RSU1: variants seen among roughly 807,000 people sequenced by gnomAD.
The protein encoded by RSU1 is Ras suppressor protein 1, also known as rsu-1.
In RSU1, 26 loss-of-function variants were observed where a neutral mutation model predicts 31.1. That is an observed-to-expected ratio of 0.84 (90% CI 0.61 to 1.16). RSU1 has a LOEUF of 1.16. Ranked by LOEUF, RSU1 falls within the 50% of genes most tolerant of loss-of-function variation. The pLI is 0.00. For synonymous variants in RSU1, 164 were observed against 136.3 expected, an observed-to-expected ratio of 1.20 and a Z score of -1.41; for missense variants, 320 against 339.1, an observed-to-expected ratio of 0.94 and a Z score of 0.44.
intron 2 of RSU1, among the ~76,000 whole-genome samples, chr10:16,799,995 C>A (rs181181443): frequency 6.6e-6 from 1 of 152,102 alleles, no homozygotes; most frequent in African/African-American, 2.4e-5. Flanking sequence ...TACGGAATTA[C>A]GGCAGAAGTT....
At chr10:16,752,853 T>C in intron 6 of RSU1, 65 bp downstream of exon 6, 1 of 1,420,228 alleles carries the variant, frequency 7.0e-7, no homozygotes. Flanking sequence ...CAAATTGACT[T>C]GATTCTACCC....
intron 8 of RSU1, among the ~76,000 whole-genome samples, chr10:16,676,445 C>A (rs759540376): frequency 1.3e-5 from 2 of 152,136 alleles, no homozygotes; most frequent in Non-Finnish European, 2.9e-5. Context: ...AAAAACCCAC[C>A]CCTATGATTC....
chr10:16,664,392 C>T (rs1834949784), intron 8 of RSU1, among the ~76,000 whole-genome samples: 1 of 152,202 alleles, frequency 6.6e-6, no homozygotes, highest in Non-Finnish European at 1.5e-5. Context: ...TTTCTGGAGG[C>T]TTAAAAGTCA....
In RSU1 at chr10:16,645,918, ATG is replaced by A. The variant is rs1355638852; in HGVS notation, c.731+49103_731+49104del. Among the ~76,000 whole-genome samples, 3 of 29,876 alleles carry A rather than the reference ATG, an allele frequency of 1.0e-4. 1 individual carries two copies. Among genetic ancestry groups the A allele is most frequent in the African/African-American group, 2.7e-4 (2 of 7,366 alleles). 19.6% of individuals were successfully genotyped at this position (29,876 alleles called of 152,430 possible). A position where few individuals can be genotyped will look rare whatever the true frequency, so the allele number is the denominator to read the frequency against. On this transcript the variant is annotated intron_variant, in intron 8 of 8. Coordinates refer to ENST00000345264, the MANE Select transcript of RSU1 (RefSeq NM_012425.4). Reference sequence around the variant, plus strand: ...TGTATATACACATATATGTATATATATGTGTATATACACATATGTGTATATAT... The same window carrying A: ...TGTATATACACATATATGTATATATATGTATATACACATATGTGTATATAT...
intron 8 of RSU1, among the ~76,000 whole-genome samples, chr10:16,593,948 G>C (rs1449098296): frequency 6.6e-6 from 1 of 152,246 alleles, no homozygotes; most frequent in Non-Finnish European, 1.5e-5. Flanking sequence ...GCTCACCCAT[G>C]ATGGATAGCG....
intron 7 of RSU1, chr10:16,721,565 G>C (rs142397751): frequency 6.6e-6 from 1 of 152,204 alleles, no homozygotes; most frequent in South Asian, 2.1e-4. Context: ...CTTCCCCAGC[G>C]ATTTGTTACT....
At chr10:16,611,630 C>T (rs957667861) in intron 8 of RSU1, among the ~76,000 whole-genome samples, 2 of 152,198 alleles carry the variant, frequency 1.3e-5, no homozygotes, top group African/African-American at 4.8e-5. Flanking sequence ...GCTTCTAACT[C>T]CCATGTACTG....
intron 7 of RSU1, among the ~76,000 whole-genome samples, chr10:16,736,131 T>G (rs1836620640): frequency 6.6e-6 from 1 of 152,044 alleles, no homozygotes; most frequent in African/African-American, 2.4e-5. Flanking sequence ...AAAGGAGCTA[T>G]GAAGAAAAAG....
intron 7 of RSU1, among the ~76,000 whole-genome samples, chr10:16,704,350 A>T (rs987833892): frequency 2.6e-5 from 4 of 152,200 alleles, no homozygotes; most frequent in Admixed American, 2.0e-4. Context: ...AGGCATTATT[A>T]TGATCTCATC....
chr10:16,655,556 T>C (rs1288579838), intron 8 of RSU1, among the ~76,000 whole-genome samples: 10 of 152,238 alleles, frequency 6.6e-5, no homozygotes, highest in Non-Finnish European at 1.5e-4. Context: ...TTTGCATATG[T>C]ATGCAGTAAT....
intron 2 of RSU1, among the ~76,000 whole-genome samples, chr10:16,797,872 T>C (rs1588542601): frequency 6.8e-6 from 1 of 147,058 alleles, no homozygotes; most frequent in South Asian, 2.2e-4. Context: ...TTTTTTTTTT[T>C]TTTTTTTGAG....
chr10:16,631,011 A>G (rs1398827241), intron 8 of RSU1, among the ~76,000 whole-genome samples: 2 of 152,184 alleles, frequency 1.3e-5, no homozygotes, highest in African/African-American at 4.8e-5. Flanking sequence ...CTTAATCTGC[A>G]TTGTTTTCAG....
intron 8 of RSU1, among the ~76,000 whole-genome samples, chr10:16,651,498 T>A (rs1371739066): frequency 6.6e-6 from 1 of 152,196 alleles, no homozygotes; most frequent in East Asian, 1.9e-4. Flanking sequence ...GACAGAATAT[T>A]CAAAGCTGAC....
intron 3 of RSU1, among the ~76,000 whole-genome samples, chr10:16,778,908 C>G (rs1160688309): frequency 6.6e-6 from 1 of 152,206 alleles, no homozygotes; most frequent in African/African-American, 2.4e-5. Context: ...GCATCACAGG[C>G]AGGTGCTCAA....
chr10:16,614,395 C>T (rs76769974), intron 8 of RSU1, among the ~76,000 whole-genome samples: 2 of 150,814 alleles, frequency 1.3e-5, no homozygotes, highest in African/African-American at 4.9e-5. Flanking sequence ...GGAAAAGTAG[C>T]AATGGTTAAT....
chr10:16,645,920 GTGTATATACACATATGTGTATATA>G lies in RSU1; in HGVS notation c.731+49079_731+49102del, dbSNP rs1564298282. The stretch of plus-strand genomic sequence containing the variant: ...TATATACACATATATGTATATATAT[GTGTATATACACATATGTGTATATA>G]TATGTGTATATACATATATGTGTAT... On this transcript the variant is annotated intron_variant, in intron 8 of 8. Coordinates refer to ENST00000345264, the MANE Select transcript of RSU1 (RefSeq NM_012425.4). Among the ~76,000 whole-genome samples the G allele has an allele frequency of 8.5e-4, 17 of 20,040 alleles. 4 individuals are homozygous for G. Among genetic ancestry groups the G allele is most frequent in the African/African-American group, 4.1e-3 (17 of 4,116 alleles). The allele number at this position is 20,040 out of a possible 152,430, so 13.1% of individuals were successfully genotyped here.
intron 7 of RSU1, among the ~76,000 whole-genome samples, chr10:16,739,017 C>T (rs777864027): frequency 6.6e-6 from 1 of 152,130 alleles, no homozygotes; most frequent in Non-Finnish European, 1.5e-5. Flanking sequence ...CAGCTTCATC[C>T]ATGTCTCTGC....
intron 8 of RSU1, among the ~76,000 whole-genome samples, chr10:16,678,326 G>A (rs1224695526): frequency 6.6e-6 from 1 of 152,214 alleles, no homozygotes; most frequent in Admixed American, 6.5e-5. Flanking sequence ...AATGTTATCT[G>A]ACAGGTGTTA....
At position 16,593,057 on chromosome 10, in the gene RSU1, TA is replaced by T. The variant is rs1179056326; in HGVS notation, c.*336del. 1.6e-5 allele frequency: 3 copies of T among 190,994 alleles called. No homozygotes were observed. Among genetic ancestry groups the T allele is most frequent in the Non-Finnish European group, 3.2e-5 (3 of 92,538 alleles). The allele number at this position is 190,994 out of a possible 1,614,324, so 11.8% of individuals were successfully genotyped here. ...GTGTTAACAGTGACATTTAAATGGTTACATGATTTTAATTATTCTTTTGATA... is the reference window on the plus strand; with the variant it reads ...GTGTTAACAGTGACATTTAAATGGTTCATGATTTTAATTATTCTTTTGATA... On this transcript the variant is annotated 3_prime_UTR_variant, in exon 9 of 9. Coordinates refer to ENST00000345264, the MANE Select transcript of RSU1 (RefSeq NM_012425.4).
Sources: allele counts gnomAD v4.1 joint callset (sites outside exome capture counted in the v4.1 genomes callset), GRCh38; gene constraint gnomAD v4.1.1; transcripts MANE v1.5; gene names NCBI Gene and HGNC (gene_info 2026-07-23, HGNC 2026-07-21).